Variants in SCAPER observed in about 807,000 individuals in gnomAD.
SCAPER encodes S-phase cyclin A associated protein in the ER.
SCAPER carries 98 observed loss-of-function variants against 182.2 expected under a neutral mutation model. The ratio of observed to expected loss-of-function variants is 0.54; its 90% CI spans 0.46 to 0.64. SCAPER has a LOEUF of 0.64. Among genes scored for constraint, SCAPER ranks in the 30% least tolerant of loss-of-function variants. The pLI, the probability that SCAPER is intolerant of heterozygous loss-of-function variation, is 0.00. For missense variants in SCAPER, 1,432 were observed against 1,690.0 expected (o/e 0.85, Z 2.68); for synonymous variants, 605 against 564.6 (o/e 1.07, Z -1.01).
chr15:76,489,897 T>C (rs949199679), intron 24 of SCAPER, among the ~76,000 whole-genome samples: 1 of 152,178 alleles, frequency 6.6e-6, no homozygotes, highest in Non-Finnish European at 1.5e-5. Flanking sequence ...CATGGAGTAT[T>C]TGTCCTTGTG....
Position 76,765,420 on chromosome 15 carries a change from C to T in SCAPER, c.1530G>A (p.Gly510=), listed in dbSNP as rs1598596863. The change falls in exon 13 of 32, where the codon GGG becomes GGA. Residue 510 remains glycine, a synonymous_variant. Transcript: ENST00000563290. ...TAGCAGGTTCTTCTTCTACAATGTCCCCCCAGGATGTATTTTGGCGCCAAG... is the reference window on the plus strand; with the variant it reads ...TAGCAGGTTCTTCTTCTACAATGTCTCCCCAGGATGTATTTTGGCGCCAAG... ...RESWRQNTSW[G]DIVEEEPARP... 6.2e-7 allele frequency: 1 copy of T among 1,613,874 alleles called. No individual in the cohort carries two copies. Among genetic ancestry groups the T allele is most frequent in the Non-Finnish European group, 8.5e-7 (1 of 1,179,834 alleles).
At chr15:76,525,434 T>C (rs1457332833) in intron 23 of SCAPER, among the ~76,000 whole-genome samples, 1 of 152,146 alleles carries the variant, frequency 6.6e-6, no homozygotes, top group African/African-American at 2.4e-5. Flanking sequence ...GTGGGTTACA[T>C]GGGAATACTA....
chr15:76,404,731 C>G, intron 26 of SCAPER, 52 bp from the exon 27 acceptor site: 2 of 1,554,178 alleles, frequency 1.3e-6, no homozygotes, highest in Non-Finnish European at 8.8e-7. Flanking sequence ...CCAGCAACAT[C>G]TTCACCTTCA....
Position 76,348,528 on chromosome 15 carries a change from G to A in SCAPER, c.*105C>T. On this transcript the variant is annotated 3_prime_UTR_variant, in exon 32 of 32. Coordinates refer to ENST00000563290, the MANE Select transcript of SCAPER (RefSeq NM_020843.4). Reference sequence around the variant, plus strand: ...ACATGCCATATCTACAGTGTGGGAAGAGTATAAACATGGGAAAATGAGTTC... The same window carrying A: ...ACATGCCATATCTACAGTGTGGGAAAAGTATAAACATGGGAAAATGAGTTC... 1 of 691,502 alleles carries A rather than the reference G, an allele frequency of 1.4e-6. No individual in the cohort carries two copies. The highest frequency in any genetic ancestry group is 2.4e-6 in the Non-Finnish European group (1 of 414,734). The allele number at this position is 691,502 out of a possible 1,614,324, so 42.8% of individuals were successfully genotyped here.
At chr15:76,743,534 C>A (rs1402002245) in intron 15 of SCAPER, among the ~76,000 whole-genome samples, 1 of 151,926 alleles carries the variant, frequency 6.6e-6, no homozygotes, top group Non-Finnish European at 1.5e-5. Context: ...AAATCAAGAA[C>A]ACAATACCAT....
Position 76,857,856 on chromosome 15 carries a change from C to T in SCAPER, c.148G>A (p.Gly50Arg), listed in dbSNP as rs1173192014. The change falls in exon 4 of 32, where the codon GGA (glycine) becomes AGA (arginine). Residue 50 changes from glycine (G) to arginine (R), a missense_variant. This residue lies in a region of SCAPER where 480 missense variants were observed against 510.2 expected (regional missense o/e 0.94). Transcript: ENST00000563290. Reference protein sequence around the residue: ...DDGKPKCQTGGKSKRTIQGTH... With the variant: ...DDGKPKCQTGRKSKRTIQGTH... ...CCTTGAATGGTCCTCTTAGATTTTC[C>T]ACCAGTTTGACATTTAGGTTTTCCT... 1.3e-6 allele frequency: 2 copies of T among 1,544,738 alleles called. No individual in the cohort carries two copies. The highest frequency in any genetic ancestry group is 1.7e-6 in the Non-Finnish European group (2 of 1,143,682).
At chr15:76,621,519 C>A (rs538363504) in intron 22 of SCAPER, among the ~76,000 whole-genome samples, 4 of 152,252 alleles carry the variant, frequency 2.6e-5, no homozygotes, top group African/African-American at 9.6e-5. Flanking sequence ...TAATATATAG[C>A]AGAATCCTTG....
Position 76,862,399 on chromosome 15 carries a change from AT to A in SCAPER, c.124+16del. ...CTTATTTACAACAAAAATGAAACTA[AT>A]TTTTTAAATACATACCATCATCATC... On this transcript the variant is annotated intron_variant, in intron 3 of 31. Coordinates refer to ENST00000563290, the MANE Select transcript of SCAPER (RefSeq NM_020843.4). The A allele has an allele frequency of 6.5e-7, 1 of 1,531,596 alleles. No individual in the cohort carries two copies. The highest frequency in any genetic ancestry group is 1.1e-5 in the South Asian group (1 of 87,340). 94.9% of individuals were successfully genotyped at this position (1,531,596 alleles called of 1,614,324 possible).
chr15:76,890,442 G>A (rs961704647), intron 1 of SCAPER, among the ~76,000 whole-genome samples: 1 of 152,038 alleles, frequency 6.6e-6, no homozygotes. Context: ...AAGAAGAAAA[G>A]ACCGAAGAAT....
At position 76,675,137 on chromosome 15, in the gene SCAPER, T is replaced by C. The variant is rs903951134; in HGVS notation, c.2509-9348A>G. On this transcript the variant is annotated intron_variant, in intron 20 of 31. Coordinates refer to ENST00000563290, the MANE Select transcript of SCAPER (RefSeq NM_020843.4). Reference sequence around the variant, plus strand: ...AGTGGAGGTTCATCATACTATTCTGTCAACTATTATGTATGTTTTAAATTC... The same window carrying C: ...AGTGGAGGTTCATCATACTATTCTGCCAACTATTATGTATGTTTTAAATTC... 1.2e-4 allele frequency among the ~76,000 whole-genome samples: 19 copies of C among 152,348 alleles called. 1 individual carries two copies. Among genetic ancestry groups the C allele is most frequent in the African/African-American group, 4.1e-4 (17 of 41,590 alleles).
intron 20 of SCAPER, among the ~76,000 whole-genome samples, chr15:76,700,451 A>G (rs1427796877): frequency 2.0e-5 from 3 of 152,180 alleles, no homozygotes; most frequent in Non-Finnish European, 2.9e-5. Context: ...CTCCTTGCTT[A>G]GTTAGCCACC....
intron 24 of SCAPER, among the ~76,000 whole-genome samples, chr15:76,479,166 G>T (rs1567225747): frequency 2.0e-5 from 3 of 151,626 alleles, no homozygotes; most frequent in Admixed American, 1.3e-4. Flanking sequence ...TTCTGATGAG[G>T]AAAAAAAAGG....
At chr15:76,676,768 T>C (rs1013373555) in intron 20 of SCAPER, among the ~76,000 whole-genome samples, 1 of 151,576 alleles carries the variant, frequency 6.6e-6, no homozygotes, top group African/African-American at 2.4e-5. Context: ...AGTTTATATA[T>C]AAATGTGTGA....
At chr15:76,584,725 T>C (rs1362719910) in intron 22 of SCAPER, among the ~76,000 whole-genome samples, 1 of 152,138 alleles carries the variant, frequency 6.6e-6, no homozygotes, top group Non-Finnish European at 1.5e-5. Flanking sequence ...TACTTATTTA[T>C]TTATTTGTAA....
chr15:76,898,970 T>C (rs887886620), intron 1 of SCAPER, among the ~76,000 whole-genome samples: 2 of 152,172 alleles, frequency 1.3e-5, no homozygotes, highest in Non-Finnish European at 2.9e-5. Context: ...TATGTCCTAA[T>C]CCAAAATGTC....
At chr15:76,648,606 T>C (rs1471255461) in intron 21 of SCAPER, among the ~76,000 whole-genome samples, 3 of 151,752 alleles carry the variant, frequency 2.0e-5, no homozygotes, top group Admixed American at 2.0e-4. Context: ...GGCAGCACAG[T>C]GATAGAGGAG....
intron 23 of SCAPER, among the ~76,000 whole-genome samples, chr15:76,572,210 T>C (rs1312060977): frequency 2.0e-5 from 3 of 152,232 alleles, no homozygotes; most frequent in Non-Finnish European, 4.4e-5. Flanking sequence ...AAAAGTTCTA[T>C]TACTTTAATC....
At chr15:76,816,941 C>T (rs764710074) in intron 5 of SCAPER, among the ~76,000 whole-genome samples, 9 of 152,128 alleles carry the variant, frequency 5.9e-5, no homozygotes, top group African/African-American at 1.9e-4. Flanking sequence ...CGTGAGCCAC[C>T]GTGCCTGGCT....
At chr15:76,437,242 T>C (rs1050172890) in intron 25 of SCAPER, among the ~76,000 whole-genome samples, 4 of 152,138 alleles carry the variant, frequency 2.6e-5, no homozygotes, top group African/African-American at 9.7e-5. Context: ...TGCACCCTCA[T>C]TTTCTGAGAT....
Sources: allele counts gnomAD v4.1 joint callset (sites outside exome capture counted in the v4.1 genomes callset), GRCh38; gene constraint gnomAD v4.1.1; regional missense constraint gnomAD v4.1.1; transcripts MANE v1.5; gene names NCBI Gene and HGNC (gene_info 2026-07-23, HGNC 2026-07-21).